BTBD10: variants seen among roughly 807,000 people sequenced by gnomAD.
The protein encoded by BTBD10 is BTB/POZ domain-containing protein 10.
BTBD10 carries 21 observed loss-of-function variants against 53.2 expected under a neutral mutation model. That is an observed-to-expected ratio of 0.39 (90% CI 0.28 to 0.57). The LOEUF is 0.57. BTBD10 is among the 20% of genes least tolerant of loss of function. The pLI is 0.53. For synonymous variants in BTBD10, 149 were observed against 192.7 expected, an observed-to-expected ratio of 0.77 and a Z score of 1.88; for missense variants, 360 against 594.7, an observed-to-expected ratio of 0.61 and a Z score of 4.10.
chr11:13,449,220 T>C (rs1318825930), intron 1 of BTBD10, among the ~76,000 whole-genome samples: 1 of 152,122 alleles, frequency 6.6e-6, no homozygotes, highest in Non-Finnish European at 1.5e-5. Context: ...ATGGTAATGA[T>C]AAATGGAAGA....
chr11:13,405,155 A>T (rs1489269021), intron 7 of BTBD10, among the ~76,000 whole-genome samples: 3 of 152,184 alleles, frequency 2.0e-5, no homozygotes, highest in Non-Finnish European at 4.4e-5. Context: ...AATTCTACAA[A>T]GCCTTATGAA....
At chr11:13,395,479 T>A (rs1016429523) in intron 8 of BTBD10, among the ~76,000 whole-genome samples, 3 of 152,086 alleles carry the variant, frequency 2.0e-5, no homozygotes, top group Non-Finnish European at 4.4e-5. Context: ...TTTTCTCCCA[T>A]CCTGTAGGTT....
chr11:13,391,941 A>G (rs1403218501), intron 8 of BTBD10, among the ~76,000 whole-genome samples: 1 of 152,196 alleles, frequency 6.6e-6, no homozygotes, highest in African/African-American at 2.4e-5. Context: ...AGACCCTGTC[A>G]GATAGATGGA....
intron 6 of BTBD10, among the ~76,000 whole-genome samples, chr11:13,409,655 CTT>C (rs1318794076): frequency 2.0e-5 from 3 of 152,164 alleles, no homozygotes; most frequent in Non-Finnish European, 2.9e-5. Context: ...TTCCCTCACT[CTT>C]TGCCACTCCT....
intron 4 of BTBD10, among the ~76,000 whole-genome samples, chr11:13,417,911 T>C (rs1427408421): frequency 6.6e-6 from 1 of 152,092 alleles, no homozygotes; most frequent in African/African-American, 2.4e-5. Flanking sequence ...AAAATACAAA[T>C]GACTTTATGA....
Position 13,441,050 on chromosome 11 carries a change from T to C in BTBD10, c.101+3974A>G, listed in dbSNP as rs550565912. On this transcript the variant is annotated intron_variant, in intron 2 of 8. Transcript: ENST00000278174. ...AAGTATATAACTATGCAACTCTATA[T>C]ATAACTATACAACTACTCACCCAGA... 1.1e-4 allele frequency among the ~76,000 whole-genome samples: 17 copies of C among 152,268 alleles called. No individual in the cohort carries two copies. In the South Asian group the frequency reaches 3.1e-3, roughly 28 times the overall value.
intron 8 of BTBD10, among the ~76,000 whole-genome samples, chr11:13,396,370 T>G (rs1949552311): frequency 6.6e-6 from 1 of 152,202 alleles, no homozygotes; most frequent in Non-Finnish European, 1.5e-5. Context: ...GAATGCTTGT[T>G]GAGTTTTGCA....
chr11:13,409,096 C>A (rs1794992128), intron 6 of BTBD10, among the ~76,000 whole-genome samples: 1 of 152,092 alleles, frequency 6.6e-6, no homozygotes, highest in South Asian at 2.1e-4. Context: ...GACCTAGGTG[C>A]CTTGTTACCT....
intron 2 of BTBD10, among the ~76,000 whole-genome samples, chr11:13,426,770 T>C (rs943357967): frequency 2.0e-5 from 3 of 152,036 alleles, no homozygotes; most frequent in Non-Finnish European, 4.4e-5. Flanking sequence ...AAAAAAGGAT[T>C]TGGCTAATCC....
rs142726371 is a variant in BTBD10, at chr11:13,433,054, A to T, written c.102-11216T>A. Among the ~76,000 whole-genome samples, 489 of 152,244 alleles carry T rather than the reference A, an allele frequency of 3.2e-3. 4 individuals are homozygous for T. The highest frequency in any genetic ancestry group is 0.011 in the African/African-American group (447 of 41,550). ...GTAAAAAACTATATGTCTCCATAAAAGGCTATATATATGTTTTTGTCCATG... is the reference window on the plus strand; with the variant it reads ...GTAAAAAACTATATGTCTCCATAAATGGCTATATATATGTTTTTGTCCATG... On this transcript the variant is annotated intron_variant, in intron 2 of 8. Transcript: ENST00000278174.
chr11:13,397,171 T>C (rs1949574446), intron 8 of BTBD10, among the ~76,000 whole-genome samples: 2 of 152,238 alleles, frequency 1.3e-5, no homozygotes, highest in Admixed American at 6.5e-5. Context: ...CATCTGGTCA[T>C]GGACTTTTTT....
At chr11:13,406,560 T>TGAGAGAGAGAGA (rs72242186) in intron 6 of BTBD10, among the ~76,000 whole-genome samples, 2 of 141,394 alleles carry the variant, frequency 1.4e-5, no homozygotes, top group African/African-American at 5.3e-5. Context: ...TACGCATGAG[T>TGAGAGAGAGAGA]GAGAGAGAGA....
chr11:13,411,473 G>C (rs546278084), intron 6 of BTBD10, among the ~76,000 whole-genome samples: 1 of 151,748 alleles, frequency 6.6e-6, no homozygotes, highest in South Asian at 2.1e-4. Context: ...TTTTTAAAAC[G>C]TCTTTGAGAA....
chr11:13,448,218 A>T (rs151291654), intron 1 of BTBD10, among the ~76,000 whole-genome samples: 3 of 152,256 alleles, frequency 2.0e-5, no homozygotes, highest in Non-Finnish European at 4.4e-5. Context: ...GACACCTCTC[A>T]TGATTCCATA....
intron 6 of BTBD10, among the ~76,000 whole-genome samples, chr11:13,406,803 T>A (rs1374481753): frequency 6.6e-6 from 1 of 151,720 alleles, no homozygotes; most frequent in East Asian, 1.9e-4. Context: ...ATATTACAAT[T>A]AATATAATTG....
chr11:13,407,715 T>G (rs1949861558), intron 6 of BTBD10, among the ~76,000 whole-genome samples: 1 of 152,232 alleles, frequency 6.6e-6, no homozygotes, highest in Non-Finnish European at 1.5e-5. Context: ...AAGTGGAGTC[T>G]AGCTCCCCTC....
intron 1 of BTBD10, among the ~76,000 whole-genome samples, chr11:13,452,137 G>A (rs180858279): frequency 5.1e-4 from 77 of 152,244 alleles, no homozygotes; most frequent in African/African-American, 1.7e-3. Context: ...AATAATAAAG[G>A]TAGGTAAGTT....
intron 2 of BTBD10, among the ~76,000 whole-genome samples, chr11:13,430,210 T>C (rs1950421297): frequency 2.6e-5 from 4 of 152,104 alleles, no homozygotes; most frequent in African/African-American, 7.2e-5. Context: ...GTAAACTATA[T>C]AAAGAACTCT....
At chr11:13,407,149 C>T (rs1949849517) in intron 6 of BTBD10, among the ~76,000 whole-genome samples, 1 of 152,140 alleles carries the variant, frequency 6.6e-6, no homozygotes, top group Admixed American at 6.6e-5. Flanking sequence ...TACCATTATC[C>T]CTGTTTTTTT....
Sources: allele counts gnomAD v4.1 joint callset (sites outside exome capture counted in the v4.1 genomes callset), GRCh38; gene constraint gnomAD v4.1.1; transcripts MANE v1.5; gene names NCBI Gene and HGNC (gene_info 2026-07-23, HGNC 2026-07-21).